The following MPDZ variants were observed in gnomAD, a reference collection of about 807,000 sequenced individuals.
MPDZ encodes multiple PDZ domain crumbs cell polarity complex component, also known as multiple PDZ domain protein.
A neutral mutation model predicts 239.1 loss-of-function variants in MPDZ; 234 were observed. That is an observed-to-expected ratio of 0.98 (90% CI 0.88 to 1.09). The LOEUF is 1.09. Ranked by LOEUF, MPDZ falls within the 50% of genes least tolerant of loss-of-function variation. The probability of loss-of-function intolerance (pLI) is 0.00; values close to 1 mark genes in which losing one functional copy is unlikely to be tolerated. For synonymous variants in MPDZ, 1,048 were observed against 881.3 expected, an observed-to-expected ratio of 1.19 and a Z score of -3.35; for missense variants, 3,175 against 2,510.0, an observed-to-expected ratio of 1.26 and a Z score of -5.66.
Position 13,110,019 on chromosome 9 carries a change from C to T in MPDZ, c.5875G>A (p.Glu1959Lys), listed in dbSNP as rs1474340356. The T allele has an allele frequency of 1.2e-6, 2 of 1,613,264 alleles. No homozygotes were observed. The highest frequency in any genetic ancestry group is 2.7e-5 in the African/African-American group (2 of 74,908). The change falls in exon 45 of 47, where the codon GAG becomes AAG. Residue 1959 changes from glutamate to lysine, a missense_variant. By Grantham distance (56) the Glu-to-Lys change is moderately conservative (BLOSUM62 1). Coordinates refer to ENST00000319217, the MANE Select transcript of MPDZ (RefSeq NM_001378778.1). ...DVSVVTGHQQEPASSSLSFTG... is the reference protein window; with the variant it reads ...DVSVVTGHQQKPASSSLSFTG... Reference sequence around the variant, plus strand: ...AAAGAAAGACTGGAACTTGCAGGCTCCTGCTGATGACCTGTGACCACACTC... The same window carrying T: ...AAAGAAAGACTGGAACTTGCAGGCTTCTGCTGATGACCTGTGACCACACTC...
chr9:13,248,976 C>CAAAA lies in MPDZ; in HGVS notation c.17-1179_17-1176dup, dbSNP rs71331534. On this transcript the variant is annotated intron_variant, in intron 2 of 46. Transcript: ENST00000319217. Reference sequence around the variant, plus strand: ...CGACAGAGTGAGTGAGACTCCATCTCAAAAAAAAAAAAAAAAAAAAAAAAA... The same window carrying CAAAA: ...CGACAGAGTGAGTGAGACTCCATCTCAAAAAAAAAAAAAAAAAAAAAAAAAAAAA... Among the ~76,000 whole-genome samples the CAAAA allele has an allele frequency of 2.0e-3, 70 of 35,814 alleles. 8 individuals carry two copies. Among genetic ancestry groups the CAAAA allele is most frequent in the African/African-American group, 5.4e-3 (62 of 11,402 alleles). 23.5% of individuals were successfully genotyped at this position (35,814 alleles called of 152,430 possible).
At chr9:13,194,390 T>G (rs1433998388) in intron 13 of MPDZ, among the ~76,000 whole-genome samples, 1 of 152,026 alleles carries the variant, frequency 6.6e-6, no homozygotes, top group Non-Finnish European at 1.5e-5. Context: ...GTTCATGTCC[T>G]TTGCAGGGAC....
chr9:13,223,864 T>C (rs924348430), intron 4 of MPDZ, among the ~76,000 whole-genome samples, 154 bp from the exon 5 acceptor site: 2 of 151,932 alleles, frequency 1.3e-5, no homozygotes, highest in African/African-American at 4.8e-5. Flanking sequence ...TGACCCCATC[T>C]CTATAAAAAA....
At chr9:13,251,691 T>C (rs139653079) in intron 1 of MPDZ, among the ~76,000 whole-genome samples, 115 of 152,308 alleles carry the variant, frequency 7.6e-4, no homozygotes, top group African/African-American at 2.7e-3. Flanking sequence ...AAGGGAAGTA[T>C]GTGATGTAGA....
intron 30 of MPDZ, 23 bp from the exon 31 acceptor site, chr9:13,136,205 C>T: frequency 6.7e-7 from 1 of 1,482,792 alleles, no homozygotes. Context: ...AAACAACAAC[C>T]TATTATAACA....
At position 13,223,676 on chromosome 9, in the gene MPDZ, G is replaced by C. The variant is rs1351228919; in HGVS notation, c.428C>G (p.Pro143Arg). 6.2e-7 allele frequency: 1 copy of C among 1,610,050 alleles called. No individual in the cohort carries two copies. The highest frequency in any genetic ancestry group is 2.2e-5 in the East Asian group (1 of 44,646). The change falls in exon 5 of 47, where the codon CCT becomes CGT. Residue 143 changes from proline (P) to arginine (R), a missense_variant. By Grantham distance (103) the Pro-to-Arg change is moderately radical. Coordinates refer to ENST00000319217, the MANE Select transcript of MPDZ (RefSeq NM_001378778.1). ...RHVEVFELLK[P>R]PSGGLGFSVV... ...ACTAAACCCAAGGCCTCCAGATGGA[G>C]GTTTGAGGAGCTCAAAAACTTCTAC...
intron 24 of MPDZ, among the ~76,000 whole-genome samples, chr9:13,155,313 A>G (rs1949683950): frequency 6.6e-6 from 1 of 152,204 alleles, no homozygotes; most frequent in South Asian, 2.1e-4. Flanking sequence ...AGCAATTCCA[A>G]TTCCACTTCT....
At chr9:13,170,366 A>C (rs2133964708) in intron 21 of MPDZ, among the ~76,000 whole-genome samples, 1 of 152,302 alleles carries the variant, frequency 6.6e-6, no homozygotes, top group Non-Finnish European at 1.5e-5. Context: ...TGATAGAAAT[A>C]AAACATTTTT....
At position 13,219,738 on chromosome 9, in the gene MPDZ, G is replaced by C; in HGVS notation, c.907C>G (p.Leu303Val). The change falls in exon 8 of 47, where the codon CTA (leucine) becomes GTA (valine). Residue 303 changes from leucine to valine, a missense_variant. Transcript: ENST00000319217. ...HGRLCSGDHI[L>V]KIGDTDLAGM... Reference sequence around the variant, plus strand: ...GCTAGATCTGTGTCACCAATCTTTAGAATGTGGTCTCCACTGCATAAACGC... The same window carrying C: ...GCTAGATCTGTGTCACCAATCTTTACAATGTGGTCTCCACTGCATAAACGC... 1 of 1,612,590 alleles carries C rather than the reference G, an allele frequency of 6.2e-7. No homozygotes were observed. Among genetic ancestry groups the C allele is most frequent in the Non-Finnish European group, 8.5e-7 (1 of 1,179,116 alleles).
chr9:13,251,428 T>C (rs991473890), intron 1 of MPDZ, among the ~76,000 whole-genome samples: 7 of 152,190 alleles, frequency 4.6e-5, no homozygotes, highest in African/African-American at 1.7e-4. Flanking sequence ...ATTGCTAACA[T>C]CCACGTCACT....
At chr9:13,181,790 G>A (rs558543985) in intron 19 of MPDZ, among the ~76,000 whole-genome samples, 11 of 152,260 alleles carry the variant, frequency 7.2e-5, no homozygotes, top group East Asian at 3.9e-4. Context: ...CAATTACTAA[G>A]TTAAACAATG....
Position 13,192,032 on chromosome 9 carries a change from G to A in MPDZ, c.1968+99C>T, listed in dbSNP as rs542409025. On this transcript the variant is annotated intron_variant, in intron 15 of 46. Coordinates refer to ENST00000319217, the MANE Select transcript of MPDZ (RefSeq NM_001378778.1). ...ATCCTCCAAGCCATGGGCGATGTGA[G>A]TAAATCAAATACCAAATTGAAAAAT... 5.0e-5 allele frequency: 56 copies of A among 1,112,832 alleles called. No homozygotes were observed. In the South Asian group the frequency reaches 1.4e-3, roughly 29 times the overall value. The allele number at this position is 1,112,832 out of a possible 1,614,324, so 68.9% of individuals were successfully genotyped here.
intron 3 of MPDZ, among the ~76,000 whole-genome samples, chr9:13,233,295 G>C (rs921837811): frequency 6.6e-6 from 1 of 152,114 alleles, no homozygotes; most frequent in Non-Finnish European, 1.5e-5. Flanking sequence ...GCAATCAACA[G>C]AAGAGTGGAC....
At chr9:13,133,119 G>A (rs868837328) in intron 32 of MPDZ, among the ~76,000 whole-genome samples, 2 of 151,992 alleles carry the variant, frequency 1.3e-5, no homozygotes, top group Non-Finnish European at 2.9e-5. Context: ...AAATTATAGG[G>A]AAATGACTGC....
At chr9:13,141,738 G>A (rs773085461) in intron 27 of MPDZ, among the ~76,000 whole-genome samples, 3 of 152,018 alleles carry the variant, frequency 2.0e-5, no homozygotes, top group African/African-American at 7.2e-5. Context: ...GACTGAATGC[G>A]ACCTTTCTTT....
chr9:13,264,277 T>G (rs1198468381), intron 1 of MPDZ, among the ~76,000 whole-genome samples: 1 of 152,204 alleles, frequency 6.6e-6, no homozygotes, highest in Non-Finnish European at 1.5e-5. Flanking sequence ...TTACTTTACC[T>G]GCAGATTTCC....
intron 1 of MPDZ, among the ~76,000 whole-genome samples, chr9:13,256,381 TC>T (rs1969442808): frequency 6.6e-6 from 1 of 152,192 alleles, no homozygotes; most frequent in Non-Finnish European, 1.5e-5. Context: ...TCCTTTGCAT[TC>T]ACAACTTGGC....
intron 34 of MPDZ, among the ~76,000 whole-genome samples, chr9:13,126,134 G>A (rs1034404668): frequency 3.3e-5 from 5 of 152,138 alleles, no homozygotes; most frequent in Admixed American, 2.0e-4. Flanking sequence ...TAAAAATTAC[G>A]TATTTAATGG....
rs1194950205 is a variant in MPDZ, at chr9:13,206,004, TCTC to T, written c.1383_1385del (p.Arg462del). The T allele has an allele frequency of 1.9e-6, 3 of 1,612,622 alleles. No homozygotes were observed. Among genetic ancestry groups the T allele is most frequent in the Admixed American group, 3.3e-5 (2 of 59,890 alleles). On this transcript the variant is annotated inframe_deletion, in exon 11 of 47. Coordinates refer to ENST00000319217, the MANE Select transcript of MPDZ (RefSeq NM_001378778.1). Reference sequence around the variant, plus strand: ...TGAGCTCGGCTTCCTGCTTCATTCCTCTCCTCATTAGTGTCAGGAGCACAGTTT... The same window carrying T: ...TGAGCTCGGCTTCCTGCTTCATTCCTCTCATTAGTGTCAGGAGCACAGTTT...
Sources: gnomAD v4.1 joint callset for allele counts (sites outside exome capture counted in the v4.1 genomes callset) on GRCh38, gnomAD v4.1.1 for gene constraint, MANE v1.5 for transcripts, NCBI Gene and HGNC (gene_info 2026-07-23, HGNC 2026-07-21) for gene names.